AMY2B: variants seen among roughly 807,000 people sequenced by gnomAD.
The protein encoded by AMY2B is amylase alpha 2B, also known as alpha-amylase 2B.
AMY2B carries 63 observed loss-of-function variants against 59.3 expected under a neutral mutation model. That is an observed-to-expected ratio of 1.06 (90% CI 0.87 to 1.31). The LOEUF (loss-of-function observed/expected upper bound fraction) is 1.31. Among genes scored for constraint, AMY2B ranks in the 50% most tolerant of loss-of-function variants. The pLI, the probability that AMY2B is intolerant of heterozygous loss-of-function variation, is 0.00. For missense variants in AMY2B, 635 were observed against 626.7 expected (o/e 1.01, Z -0.14); for synonymous variants, 180 against 198.1 (o/e 0.91, Z 0.77).
chr1:103,577,866 A>T, intron 9 of AMY2B, 21 bp downstream of exon 9: 1 of 1,598,718 alleles, frequency 6.3e-7, no homozygotes, highest in African/African-American at 1.3e-5. Context: ...ATCAATTAAA[A>T]ATAATATTTT....
At chr1:103,573,499 G>A (rs553403608) in intron 3 of AMY2B, among the ~76,000 whole-genome samples, 37 of 151,934 alleles carry the variant, frequency 2.4e-4, no homozygotes, top group African/African-American at 7.3e-4. Flanking sequence ...TAAAAAGCTC[G>A]TCGACTTTAT....
At chr1:103,556,411 TAAAG>T (rs911442360) in intron 1 of AMY2B, among the ~76,000 whole-genome samples, 3 of 151,886 alleles carry the variant, frequency 2.0e-5, no homozygotes, top group Non-Finnish European at 2.9e-5. Context: ...AGTGAGAAAA[TAAAG>T]AAGGTTGAGA....
upstream of AMY2B, chr1:103,568,933 C>CA (rs1450321138): frequency 6.6e-6 from 1 of 152,048 alleles, no homozygotes; most frequent in Non-Finnish European, 1.5e-5. Flanking sequence ...TCAATCCACT[C>CA]ACAGTTCCAC....
intron 9 of AMY2B, among the ~76,000 whole-genome samples, chr1:103,578,735 A>C (rs961291309): frequency 6.6e-6 from 1 of 152,154 alleles, no homozygotes; most frequent in Non-Finnish European, 1.5e-5. Flanking sequence ...ACTTCTTCAT[A>C]GAAATGCTAG....
upstream of AMY2B, chr1:103,570,531 A>T (rs1402418126): frequency 3.2e-6 from 2 of 616,324 alleles, no homozygotes; most frequent in South Asian, 1.4e-5. Flanking sequence ...GAAGATCAAG[A>T]TGATCGCATC....
At chr1:103,569,570 C>T (rs568690102), upstream of AMY2B, 25 of 358,692 alleles carry the variant, frequency 7.0e-5, no homozygotes, top group Non-Finnish European at 1.2e-4. Flanking sequence ...AAGAGATTGC[C>T]GTACTGGTGA....
At position 103,571,675 on chromosome 1, in the gene AMY2B, C is replaced by T. The variant is rs146354476; in HGVS notation, c.73C>T (p.Arg25Trp). Residue 25 changes from arginine to tryptophan, a missense_variant, in exon 1 of 10, where the codon CGG becomes TGG. Physicochemically the swap from Arg to Trp is moderately radical, Grantham distance 101. Coordinates refer to ENST00000684275, the MANE Select transcript of AMY2B (RefSeq NM_001387437.1). ...GTATTCCCCAAATACACAACAAGGA[C>T]GGACATCTATTGTTCATCTGTTTGA... is the stretch of plus-strand genomic sequence containing the variant. ...AQYSPNTQQG[R>W]TSIVHLFEWR... 102 of 1,611,882 alleles carry T rather than the reference C, an allele frequency of 6.3e-5. 1 individual carries two copies. The African/African-American group carries it at 9.5e-4, about 15-fold the overall frequency.
intron 4 of AMY2B, 66 bp downstream of exon 4, chr1:103,574,004 T>C (rs1652245374): frequency 1.9e-6 from 3 of 1,611,186 alleles, no homozygotes; most frequent in Non-Finnish European, 2.5e-6. Context: ...GCAGATTTAA[T>C]TAAAAATGCA....
At chr1:103,572,535 G>A (rs1652176840) in intron 2 of AMY2B, among the ~76,000 whole-genome samples, 1 of 152,134 alleles carries the variant, frequency 6.6e-6, no homozygotes, top group South Asian at 2.1e-4. Context: ...CCTGGAAAGA[G>A]TTTTCTGGTT....
upstream of AMY2B, chr1:103,571,314 C>T (rs954588226): frequency 7.0e-6 from 6 of 858,886 alleles, no homozygotes; most frequent in Admixed American, 1.8e-4. Flanking sequence ...TGGTTTTCTA[C>T]TGTTACGTGA....
At chr1:103,572,654 G>A (rs1652181907) in intron 2 of AMY2B, among the ~76,000 whole-genome samples, 1 of 152,112 alleles carries the variant, frequency 6.6e-6, no homozygotes, top group Non-Finnish European at 1.5e-5. Context: ...TCTATTTAAT[G>A]AGGAGCATAA....
intron 1 of AMY2B, among the ~76,000 whole-genome samples, chr1:103,561,044 G>A (rs879394453): frequency 8.0e-5 from 12 of 150,634 alleles, no homozygotes; most frequent in Admixed American, 1.3e-4. Context: ...TGTAGGGTAC[G>A]CGTGTGTGAT....
chr1:103,575,936 T>G (rs1397084642), intron 7 of AMY2B, among the ~76,000 whole-genome samples: 1 of 152,130 alleles, frequency 6.6e-6, no homozygotes, highest in African/African-American at 2.4e-5. Context: ...ATATAAATGT[T>G]CGTTAAATAT....
intron 3 of AMY2B, 28 bp from the exon 4 acceptor site, chr1:103,573,680 A>C (rs1652227664): frequency 6.2e-7 from 1 of 1,612,360 alleles, no homozygotes; most frequent in South Asian, 1.1e-5. Flanking sequence ...GGTTTTATGA[A>C]TCAATCATAA....
At chr1:103,578,402 TC>T (rs1652446783) in intron 9 of AMY2B, among the ~76,000 whole-genome samples, 1 of 152,174 alleles carries the variant, frequency 6.6e-6, no homozygotes, top group Non-Finnish European at 1.5e-5. Context: ...GAGTTTTAGT[TC>T]CGAAACTTCT....
At position 103,571,746 on chromosome 1, in the gene AMY2B, T is replaced by C; in HGVS notation, c.144T>C (p.Ala48=). 6.2e-7 allele frequency: 1 copy of C among 1,611,970 alleles called. No homozygotes were observed. Among genetic ancestry groups the C allele is most frequent in the Non-Finnish European group, 8.5e-7 (1 of 1,179,830 alleles). ...CTCTTGAATGTGAGCGATATTTAGC[T>C]CCCAAGGGATTTGGAGGGGTTCAGG... The part of the protein sequence containing the change: ...DIALECERYL[A]PKGFGGVQVS... Residue 48 remains alanine (A), a synonymous_variant, in exon 1 of 10, where the codon GCT becomes GCC. Transcript: ENST00000684275.
intron 1 of AMY2B, among the ~76,000 whole-genome samples, chr1:103,560,299 A>C (rs1006685450): frequency 6.6e-6 from 1 of 152,166 alleles, no homozygotes; most frequent in Non-Finnish European, 1.5e-5. Context: ...TTGAATTTCT[A>C]GTCAGAGAGT....
In AMY2B at chr1:103,575,247, C is replaced by T. The variant is rs1023946468; in HGVS notation, c.903C>T (p.Phe301=). The change falls in exon 6 of 10, where the codon TTC becomes TTT. Residue 301 remains phenylalanine, a synonymous_variant. Coordinates refer to ENST00000684275, the MANE Select transcript of AMY2B (RefSeq NM_001387437.1). ...GGAACTGGGGAGAAGGTTGGGGTTT[C>T]ATGCCTTCTGACAGAGCACTTGTCT... The part of the protein sequence containing the change: ...YLKNWGEGWG[F]MPSDRALVFV... The T allele has an allele frequency of 1.2e-6, 2 of 1,613,562 alleles. No individual in the cohort carries two copies. Among genetic ancestry groups the T allele is most frequent in the Non-Finnish European group, 1.7e-6 (2 of 1,179,652 alleles).
At chr1:103,575,901 ACAT>A (rs1652335244) in intron 7 of AMY2B, 1 of 189,344 alleles carries the variant, frequency 5.3e-6, no homozygotes, top group African/African-American at 2.4e-5. Context: ...AGAACTTAAA[ACAT>A]CATCTGCCCA....
Sources: gnomAD v4.1 joint callset for allele counts (sites outside exome capture counted in the v4.1 genomes callset) on GRCh38, gnomAD v4.1.1 for gene constraint, MANE v1.5 for transcripts, NCBI Gene and HGNC (gene_info 2026-07-23, HGNC 2026-07-21) for gene names.